DLGAP4: variants seen among roughly 807,000 people sequenced by gnomAD.
DLGAP4 encodes DLG associated protein 4.
In DLGAP4, 18 loss-of-function variants were observed where a neutral mutation model predicts 86.9. That is an observed-to-expected ratio of 0.21 (90% CI 0.14 to 0.31). The LOEUF is 0.31. DLGAP4 is among the 10% of genes least tolerant of loss of function. The pLI is 1.00. For synonymous variants in DLGAP4, 548 were observed against 574.3 expected, an observed-to-expected ratio of 0.95 and a Z score of 0.65; for missense variants, 1,085 against 1,362.6, an observed-to-expected ratio of 0.80 and a Z score of 3.21.
intron 6 of DLGAP4, among the ~76,000 whole-genome samples, chr20:36,444,559 G>A (rs1039474708): frequency 1.3e-5 from 2 of 152,152 alleles, no homozygotes; most frequent in Admixed American, 1.3e-4. Flanking sequence ...TTACAGGCGT[G>A]AGCCACTGTG....
chr20:36,387,112 C>T (rs2031626123), intron 2 of DLGAP4, among the ~76,000 whole-genome samples: 1 of 152,182 alleles, frequency 6.6e-6, no homozygotes, highest in Admixed American at 6.5e-5. Context: ...AAGTGCCCTC[C>T]AAGGTAATTA....
intron 10 of DLGAP4, among the ~76,000 whole-genome samples, chr20:36,521,873 T>C (rs980003468): frequency 6.6e-6 from 1 of 152,230 alleles, no homozygotes; most frequent in Admixed American, 6.5e-5. Flanking sequence ...TCCTGTAATA[T>C]CTTTAACTCC....
chr20:36,399,436 C>A (rs2147480390), intron 2 of DLGAP4, among the ~76,000 whole-genome samples: 1 of 152,292 alleles, frequency 6.6e-6, no homozygotes, highest in African/African-American at 2.4e-5. Context: ...TAAGATCATG[C>A]CTGCTTTGCA....
At chr20:36,470,755 G>A (rs2147662114) in intron 7 of DLGAP4, among the ~76,000 whole-genome samples, 1 of 152,116 alleles carries the variant, frequency 6.6e-6, no homozygotes, top group African/African-American at 2.4e-5. Flanking sequence ...TCTATACCTT[G>A]AATTTTTCAT....
At chr20:36,436,492 T>C (rs148508132) in intron 4 of DLGAP4, 142 bp downstream of exon 4, 8 of 1,357,042 alleles carry the variant, frequency 5.9e-6, no homozygotes, top group Non-Finnish European at 7.7e-6. Flanking sequence ...CGCCCACTCA[T>C]GAGTCCTGCT....
At chr20:36,355,296 TTC>T (rs1369727141) in intron 1 of DLGAP4, among the ~76,000 whole-genome samples, 11 of 148,352 alleles carry the variant, frequency 7.4e-5, no homozygotes, top group African/African-American at 2.3e-4. Flanking sequence ...CTTTCTTTCT[TTC>T]TTTTTTTTTT....
At chr20:36,390,650 G>C (rs559824779) in intron 2 of DLGAP4, among the ~76,000 whole-genome samples, 3 of 152,262 alleles carry the variant, frequency 2.0e-5, no homozygotes, top group East Asian at 3.9e-4. Context: ...AGAGAGCAGG[G>C]TCCTGGATCC....
At chr20:36,361,350 A>G (rs1348790582) in intron 1 of DLGAP4, among the ~76,000 whole-genome samples, 1 of 152,210 alleles carries the variant, frequency 6.6e-6, no homozygotes, top group Non-Finnish European at 1.5e-5. Flanking sequence ...TACCATTTTA[A>G]CTGGGCCTGA....
chr20:36,323,347 A>C (rs1410437551), intron 1 of DLGAP4, among the ~76,000 whole-genome samples: 2 of 152,164 alleles, frequency 1.3e-5, no homozygotes, highest in African/African-American at 4.8e-5. Flanking sequence ...TCACATAAAC[A>C]ACATCATGCA....
intron 1 of DLGAP4, among the ~76,000 whole-genome samples, chr20:36,320,744 A>AG (rs1233098700): frequency 1.3e-5 from 2 of 151,996 alleles, no homozygotes; most frequent in Admixed American, 6.6e-5. Context: ...TGACTGGGTG[A>AG]GGGGGACACT....
chr20:36,499,354 A>AAACCCCCC, intron 8 of DLGAP4: 1 of 1,072,078 alleles, frequency 9.3e-7, no homozygotes, highest in Non-Finnish European at 1.2e-6. Flanking sequence ...ACCCCATCCC[A>AAACCCCCC]CCTCCCGCCC....
intron 7 of DLGAP4, among the ~76,000 whole-genome samples, chr20:36,450,491 T>G (rs1256847095): frequency 6.6e-6 from 1 of 151,460 alleles, no homozygotes; most frequent in Non-Finnish European, 1.5e-5. Context: ...AAAGTGAGAC[T>G]CCGTCTCAAA....
chr20:36,495,367 G>A (rs1675476587), intron 7 of DLGAP4, among the ~76,000 whole-genome samples: 1 of 152,128 alleles, frequency 6.6e-6, no homozygotes, highest in Non-Finnish European at 1.5e-5. Context: ...AGTTGCCTCT[G>A]GGCTATCACC....
At chr20:36,361,152 A>G (rs561630427) in intron 1 of DLGAP4, among the ~76,000 whole-genome samples, 1 of 152,248 alleles carries the variant, frequency 6.6e-6, no homozygotes, top group South Asian at 2.1e-4. Context: ...TGTCAGAGCA[A>G]CAGAAGAGTC....
intron 2 of DLGAP4, among the ~76,000 whole-genome samples, chr20:36,377,585 C>T (rs1218185805): frequency 2.0e-5 from 3 of 152,220 alleles, no homozygotes; most frequent in East Asian, 3.8e-4. Context: ...CGCCTCTGCT[C>T]ATCAGGGTGC....
intron 12 of DLGAP4, 69 bp from the exon 13 acceptor site, chr20:36,526,744 G>T: frequency 7.1e-7 from 1 of 1,406,854 alleles, no homozygotes; most frequent in Non-Finnish European, 9.6e-7. Context: ...GGCATATGGT[G>T]GGGGTAGTGC....
chr20:36,363,936 C>T (rs111794859), intron 1 of DLGAP4, among the ~76,000 whole-genome samples: 7 of 152,272 alleles, frequency 4.6e-5, no homozygotes, highest in African/African-American at 1.7e-4. Flanking sequence ...CGAGGGAGCT[C>T]TAGGAGCCAG....
intron 2 of DLGAP4, among the ~76,000 whole-genome samples, chr20:36,392,347 C>T (rs1186877602): frequency 2.6e-5 from 4 of 152,148 alleles, no homozygotes; most frequent in Admixed American, 2.6e-4. Flanking sequence ...GTCATTCATT[C>T]ACTCATTTGT....
At chr20:36,321,554 GCTCAGCGCCTGGTGA>G (rs1336007814) in intron 1 of DLGAP4, among the ~76,000 whole-genome samples, 1 of 152,254 alleles carries the variant, frequency 6.6e-6, no homozygotes, top group Non-Finnish European at 1.5e-5. Context: ...GCTCACACGT[GCTCAGCGCCTGGTGA>G]GGCGCTCGCC....
Sources: gnomAD v4.1 joint callset for allele counts (sites outside exome capture counted in the v4.1 genomes callset) on GRCh38, gnomAD v4.1.1 for gene constraint, MANE v1.5 for transcripts, NCBI Gene and HGNC (gene_info 2026-07-23, HGNC 2026-07-21) for gene names.